RIMS1: variants seen among roughly 807,000 people sequenced by gnomAD.
RIMS1 encodes the protein regulating synaptic membrane exocytosis protein 1.
A neutral mutation model predicts 214.1 loss-of-function variants in RIMS1; 83 were observed. The ratio of observed to expected loss-of-function variants is 0.39; its 90% CI spans 0.32 to 0.47. The LOEUF (loss-of-function observed/expected upper bound fraction) is 0.47. RIMS1 is among the 20% of genes least tolerant of loss of function. The pLI is 0.99. For missense variants in RIMS1, 2,050 were observed against 2,161.8 expected (o/e 0.95, Z 1.03); for synonymous variants, 793 against 786.8 (o/e 1.01, Z -0.13).
chr6:72,319,123 G>A (rs115657420), intron 28 of RIMS1, among the ~76,000 whole-genome samples: 2,473 of 152,142 alleles, frequency 0.016, 35 homozygotes, highest in African/African-American at 0.033. Flanking sequence ...AAGGATCATG[G>A]CCCTAGAGAC....
chr6:72,007,324 A>T (rs1808166758), intron 2 of RIMS1, among the ~76,000 whole-genome samples: 1 of 152,214 alleles, frequency 6.6e-6, no homozygotes, highest in South Asian at 2.1e-4. Context: ...TCCCATCTGT[A>T]CATCACCATC....
chr6:72,258,378 G>A, intron 17 of RIMS1, 97 bp downstream of exon 17: 1 of 1,235,454 alleles, frequency 8.1e-7, no homozygotes, highest in Non-Finnish European at 1.1e-6. Context: ...AAAATAGTTT[G>A]GTCAAATTAT....
intron 1 of RIMS1, among the ~76,000 whole-genome samples, chr6:71,960,122 TAATC>T (rs1375590222): frequency 6.6e-6 from 1 of 152,218 alleles, no homozygotes; most frequent in African/African-American, 2.4e-5. Context: ...TTTTTTAAGT[TAATC>T]AAGACCATTT....
chr6:72,152,210 C>A (rs568346081), intron 4 of RIMS1, among the ~76,000 whole-genome samples: 1 of 152,306 alleles, frequency 6.6e-6, no homozygotes, highest in Non-Finnish European at 1.5e-5. Flanking sequence ...TGCCATATTT[C>A]ATTTTCTTAA....
intron 1 of RIMS1, among the ~76,000 whole-genome samples, chr6:71,904,679 A>G (rs1440386324): frequency 6.6e-6 from 1 of 152,204 alleles, no homozygotes; most frequent in Non-Finnish European, 1.5e-5. Context: ...CATTAAAGGA[A>G]TTCACAGGTT....
rs1367150480 is a variant in RIMS1, at chr6:72,390,471, G to A, written c.4367-127G>A. 4.7e-5 allele frequency: 52 copies of A among 1,100,026 alleles called. 1 individual carries two copies. In the South Asian group the frequency reaches 6.7e-4, roughly 14 times the overall value. The allele number at this position is 1,100,026 out of a possible 1,614,324, so 68.1% of individuals were successfully genotyped here. A position where few individuals can be genotyped will look rare whatever the true frequency, so the allele number is the denominator to read the frequency against. Reference sequence around the variant, plus strand: ...TGAATCAAGCAAAGTACTCCCTTAGGTTACTATTTTTCTGATTAAATTTGT... The same window carrying A: ...TGAATCAAGCAAAGTACTCCCTTAGATTACTATTTTTCTGATTAAATTTGT... On this transcript the variant is annotated intron_variant, in intron 29 of 33. Coordinates refer to ENST00000521978, the MANE Select transcript of RIMS1 (RefSeq NM_014989.7).
chr6:71,963,482 G>A (rs1447619088), intron 1 of RIMS1, among the ~76,000 whole-genome samples: 5 of 151,834 alleles, frequency 3.3e-5, no homozygotes, highest in African/African-American at 7.3e-5. Context: ...CAGAAAAAGA[G>A]GATTAATTTT....
chr6:72,259,082 G>A lies in RIMS1; in HGVS notation c.3024G>A (p.Val1008=), dbSNP rs1305030361. Reference sequence around the variant, plus strand: ...CAGTTGATCATAGAACCAGAGATGTGGATAGTCAGTATTTATCAGAACAAG... The same window carrying A: ...CAGTTGATCATAGAACCAGAGATGTAGATAGTCAGTATTTATCAGAACAAG... ...RSPVDHRTRD[V]DSQYLSEQDS... The change falls in exon 18 of 34, where the codon GTG becomes GTA. Residue 1008 remains valine (V), a synonymous_variant. Transcript: ENST00000521978. 1 of 1,612,324 alleles carries A rather than the reference G, an allele frequency of 6.2e-7. No individual in the cohort carries two copies. Among genetic ancestry groups the A allele is most frequent in the South Asian group, 1.1e-5 (1 of 91,026 alleles).
chr6:72,153,600 A>T lies in RIMS1; in HGVS notation c.472-25975A>T, dbSNP rs118068044. 5.9e-4 allele frequency among the ~76,000 whole-genome samples: 90 copies of T among 152,270 alleles called. 2 individuals carry two copies. In the East Asian group the frequency reaches 9.8e-3, roughly 17 times the overall value. ...ATTATGCAATGAAATCAAAGTGGAC[A>T]TTACTGCATTATATAATAATCAGAT... On this transcript the variant is annotated intron_variant, in intron 4 of 33. Coordinates refer to ENST00000521978, the MANE Select transcript of RIMS1 (RefSeq NM_014989.7).
intron 2 of RIMS1, among the ~76,000 whole-genome samples, chr6:72,043,986 T>C (rs1472027855): frequency 6.6e-6 from 1 of 151,616 alleles, no homozygotes; most frequent in Non-Finnish European, 1.5e-5. Flanking sequence ...CTTTTTCTTT[T>C]TAATGATGTA....
chr6:72,379,927 C>T (rs558551206), intron 29 of RIMS1, among the ~76,000 whole-genome samples: 2 of 152,176 alleles, frequency 1.3e-5, no homozygotes, highest in East Asian at 3.9e-4. Flanking sequence ...GGAAAGATTC[C>T]CCAAAACCTT....
intron 2 of RIMS1, among the ~76,000 whole-genome samples, chr6:72,008,462 C>G (rs1488361378): frequency 3.3e-5 from 5 of 152,174 alleles, no homozygotes; most frequent in Non-Finnish European, 7.3e-5. Context: ...GGATCAAATT[C>G]ACACATAACA....
intron 29 of RIMS1, among the ~76,000 whole-genome samples, chr6:72,381,416 C>G (rs2098484870): frequency 6.6e-6 from 1 of 152,208 alleles, no homozygotes; most frequent in African/African-American, 2.4e-5. Flanking sequence ...ACTAGAAATA[C>G]TTTGGAAACA....
intron 22 of RIMS1, among the ~76,000 whole-genome samples, chr6:72,268,395 A>C (rs986202198): frequency 5.3e-5 from 8 of 152,144 alleles, no homozygotes; most frequent in African/African-American, 1.9e-4. Context: ...TGTTTTAAAA[A>C]CTTAATTTTA....
intron 29 of RIMS1, among the ~76,000 whole-genome samples, chr6:72,338,623 GA>G (rs2096930911): frequency 6.6e-6 from 1 of 151,720 alleles, no homozygotes. Flanking sequence ...AAATTTACAA[GA>G]AAAAAACAAC....
chr6:72,012,727 A>G (rs1811245970), intron 2 of RIMS1, among the ~76,000 whole-genome samples: 1 of 152,182 alleles, frequency 6.6e-6, no homozygotes, highest in Admixed American at 6.6e-5. Context: ...GCATTGGTAA[A>G]GAATCTAGAT....
chr6:71,924,283 G>T (rs1432021760), intron 1 of RIMS1, among the ~76,000 whole-genome samples: 1 of 152,038 alleles, frequency 6.6e-6, no homozygotes, highest in African/African-American at 2.4e-5. Flanking sequence ...ATTTAAAAAA[G>T]AACAAGTTTC....
intron 2 of RIMS1, among the ~76,000 whole-genome samples, chr6:72,064,083 C>T (rs1295802766): frequency 3.3e-5 from 5 of 152,252 alleles, no homozygotes; most frequent in Non-Finnish European, 5.9e-5. Flanking sequence ...TTTGGGAGGT[C>T]GAGGTGGGTG....
chr6:72,003,605 TG>T lies in RIMS1; in HGVS notation c.245+34543del, dbSNP rs1164493600. Among the ~76,000 whole-genome samples, 19 of 142,608 alleles carry T rather than the reference TG, an allele frequency of 1.3e-4. No homozygotes were observed. In the South Asian group the frequency reaches 1.4e-3, roughly 10 times the overall value. 93.6% of individuals were successfully genotyped at this position (142,608 alleles called of 152,430 possible). ...CGATATACAATTTTGCTTGCAGGTG[TG>T]TGTCTGTGTGTGTGTGTGTGTGTCT... is the stretch of plus-strand genomic sequence containing the variant. On this transcript the variant is annotated intron_variant, in intron 2 of 33. Coordinates refer to ENST00000521978, the MANE Select transcript of RIMS1 (RefSeq NM_014989.7).
Sources: gnomAD v4.1 joint callset for allele counts (sites outside exome capture counted in the v4.1 genomes callset) on GRCh38, gnomAD v4.1.1 for gene constraint, MANE v1.5 for transcripts, NCBI Gene and HGNC (gene_info 2026-07-23, HGNC 2026-07-21) for gene names.